MBD5: variants seen among roughly 807,000 people sequenced by gnomAD.
The protein encoded by MBD5 is methyl-CpG binding domain protein 5.
Under a neutral mutation model 117.3 loss-of-function variants are expected in MBD5, and 13 were observed. The ratio of observed to expected loss-of-function variants is 0.11; its 90% confidence interval spans 0.07 to 0.18. The LOEUF (loss-of-function observed/expected upper bound fraction) is 0.18. MBD5 is among the 10% of genes least tolerant of loss of function. MBD5 has a pLI of 1.00. For synonymous variants in MBD5, 727 were observed against 766.4 expected (o/e 0.95, Z 0.85); for missense variants, 1,879 against 2,093.8 (o/e 0.90, Z 2.00).
At chr2:148,214,172 G>T (rs925900575) in intron 2 of MBD5, among the ~76,000 whole-genome samples, 3 of 151,994 alleles carry the variant, frequency 2.0e-5, no homozygotes, top group Admixed American at 2.0e-4. Context: ...TAGGTGAGAG[G>T]CCAACAAATT....
chr2:148,436,793 A>G (rs1236360100), intron 4 of MBD5, among the ~76,000 whole-genome samples: 2 of 152,004 alleles, frequency 1.3e-5, no homozygotes, highest in Admixed American at 6.6e-5. Flanking sequence ...TTTTAAATAT[A>G]TTAAATATTT....
intron 4 of MBD5, among the ~76,000 whole-genome samples, chr2:148,376,553 C>T (rs1703993619): frequency 6.7e-6 from 1 of 150,266 alleles, no homozygotes; most frequent in African/African-American, 2.4e-5. Flanking sequence ...AGGCGTGAGC[C>T]ACCGCGCCCG....
At chr2:148,464,856 A>G (rs1193596187) in intron 7 of MBD5, among the ~76,000 whole-genome samples, 1 of 150,500 alleles carries the variant, frequency 6.6e-6, no homozygotes, top group African/African-American at 2.4e-5. Flanking sequence ...CTTTAGTCTT[A>G]GCTACTTAGA....
At chr2:148,108,134 G>A (rs73007190) in intron 1 of MBD5, among the ~76,000 whole-genome samples, 12,461 of 147,500 alleles carry the variant, frequency 0.084, 659 homozygotes, top group African/African-American at 0.14. Flanking sequence ...AGGGAAAAGG[G>A]TTGGGGGTGG....
intron 2 of MBD5, among the ~76,000 whole-genome samples, chr2:148,182,803 A>G (rs1349286169): frequency 6.6e-6 from 1 of 152,156 alleles, no homozygotes. Context: ...CCTTTGAGTC[A>G]GGAAATACTG....
chr2:148,328,435 C>G (rs996924221), intron 3 of MBD5, among the ~76,000 whole-genome samples: 3 of 152,228 alleles, frequency 2.0e-5, no homozygotes, highest in Admixed American at 6.5e-5. Flanking sequence ...CGCCCCTCCC[C>G]TAGCCTCGCT....
At chr2:148,106,904 C>T (rs1166392074) in intron 1 of MBD5, among the ~76,000 whole-genome samples, 2 of 151,854 alleles carry the variant, frequency 1.3e-5, no homozygotes, top group Non-Finnish European at 2.9e-5. Flanking sequence ...TGTTTTATAA[C>T]ATTTATATTC....
intron 3 of MBD5, among the ~76,000 whole-genome samples, chr2:148,257,435 T>C (rs1388077943): frequency 6.6e-6 from 1 of 152,184 alleles, no homozygotes; most frequent in African/African-American, 2.4e-5. Context: ...TTCGTTGTGG[T>C]GGGCTGGAGA....
At chr2:148,055,829 T>G (rs1573962071) in intron 1 of MBD5, 2 of 152,312 alleles carry the variant, frequency 1.3e-5, no homozygotes, top group South Asian at 4.1e-4. Flanking sequence ...CTGAACTCAC[T>G]ATTGTGTTGC....
chr2:148,022,018 G>C (rs1188296942), intron 1 of MBD5, among the ~76,000 whole-genome samples: 2 of 152,102 alleles, frequency 1.3e-5, no homozygotes, highest in Non-Finnish European at 2.9e-5. Context: ...GACAGAAAGA[G>C]GCACACTTTC....
intron 1 of MBD5, among the ~76,000 whole-genome samples, chr2:148,091,194 G>A (rs1695930850): frequency 6.6e-6 from 1 of 152,138 alleles, no homozygotes; most frequent in Non-Finnish European, 1.5e-5. Flanking sequence ...CATACTCACA[G>A]ATGGGTAGAA....
intron 3 of MBD5, among the ~76,000 whole-genome samples, chr2:148,281,066 T>C (rs1701234177): frequency 6.6e-6 from 1 of 152,202 alleles, no homozygotes; most frequent in Non-Finnish European, 1.5e-5. Flanking sequence ...TATATTTTTA[T>C]GGATTTTATC....
At chr2:148,054,712 T>C (rs1694810026) in intron 1 of MBD5, 1 of 152,144 alleles carries the variant, frequency 6.6e-6, no homozygotes, top group African/African-American at 2.4e-5. Context: ...TAGCAAAAGA[T>C]TAGAAAGAAA....
rs115940837 is a variant in MBD5 at position 148,491,446 on chromosome 2, T to C, written c.4962+852T>C. Among the ~76,000 whole-genome samples the C allele has an allele frequency of 1.8e-3, 273 of 152,136 alleles. 3 individuals are homozygous for C. The South Asian group carries it at 0.023, about 13-fold the overall frequency. On this transcript the variant is annotated intron_variant, in intron 11 of 13. Transcript: ENST00000642680. ...ATTCCCCCATATGATTAAAAACGTATAATTTTTCATCTTCTTAGGTAATAA... is the reference window on the plus strand; with the variant it reads ...ATTCCCCCATATGATTAAAAACGTACAATTTTTCATCTTCTTAGGTAATAA...
chr2:148,084,761 T>C (rs1020547248), intron 1 of MBD5, among the ~76,000 whole-genome samples: 1 of 152,228 alleles, frequency 6.6e-6, no homozygotes, highest in Non-Finnish European at 1.5e-5. Context: ...CAGGGTATCA[T>C]GTAAAATATT....
intron 3 of MBD5, among the ~76,000 whole-genome samples, chr2:148,248,360 A>T (rs143904197): frequency 6.6e-6 from 1 of 152,308 alleles, no homozygotes; most frequent in East Asian, 1.9e-4. Flanking sequence ...TTCACACTAC[A>T]TAAGTGATAC....
intron 1 of MBD5, among the ~76,000 whole-genome samples, chr2:148,118,422 C>T (rs1696689326): frequency 6.8e-6 from 1 of 147,334 alleles, no homozygotes; most frequent in Admixed American, 6.9e-5. Context: ...CCAGCCTGGG[C>T]AACATAAAAA....
chr2:148,150,495 G>C (rs1366486581), intron 1 of MBD5, among the ~76,000 whole-genome samples: 1 of 152,182 alleles, frequency 6.6e-6, no homozygotes, highest in Non-Finnish European at 1.5e-5. Context: ...TTGGTAGCTT[G>C]ATGGGGATGG....
intron 1 of MBD5, among the ~76,000 whole-genome samples, chr2:148,115,872 T>A (rs1003076066): frequency 3.3e-5 from 5 of 152,018 alleles, no homozygotes; most frequent in African/African-American, 1.2e-4. Context: ...TGAGACAGGG[T>A]CTTACTGTCA....
Sources: allele counts gnomAD v4.1 joint callset (sites outside exome capture counted in the v4.1 genomes callset), GRCh38; gene constraint gnomAD v4.1.1; transcripts MANE v1.5; gene names NCBI Gene and HGNC (gene_info 2026-07-23, HGNC 2026-07-21).